The following ANKRD36C variants were observed in gnomAD, a reference collection of about 807,000 sequenced individuals.
ANKRD36C encodes the protein ankyrin repeat domain-containing protein 36C.
Under a neutral mutation model 276.4 loss-of-function variants are expected in ANKRD36C, and 61 were observed. That is an observed-to-expected ratio of 0.22 (90% CI 0.18 to 0.27). The LOEUF is 0.27. Ranked by LOEUF, ANKRD36C falls within the 10% of genes least tolerant of loss-of-function variation. The pLI is 1.00. For synonymous variants in ANKRD36C, 483 were observed against 680.1 expected, an observed-to-expected ratio of 0.71 and a Z score of 4.51; for missense variants, 1,447 against 2,032.3, an observed-to-expected ratio of 0.71 and a Z score of 5.54.
chr2:95,897,357 A>T lies in ANKRD36C; in HGVS notation c.2755+1788T>A, dbSNP rs759407381. 36 of 1,557,604 alleles carry T rather than the reference A, an allele frequency of 2.3e-5. No individual in the cohort carries two copies. The highest frequency in any genetic ancestry group is 1.3e-4 in the Admixed American group (7 of 54,290). On this transcript the variant is annotated intron_variant, in intron 44 of 66. Coordinates refer to ENST00000456556, the Ensembl canonical transcript of ANKRD36C. ...TCTCTTGTAGCCTGAATGGAATTTG[A>T]AATGAAATAATAAATTAATAAAGTA...
chr2:95,923,338 C>T lies in ANKRD36C; in HGVS notation c.2143+157G>A, dbSNP rs540110607. Among the ~76,000 whole-genome samples the T allele has an allele frequency of 3.2e-4, 49 of 151,752 alleles. 1 individual carries two copies. The highest frequency in any genetic ancestry group is 1.1e-3 in the African/African-American group (47 of 41,494). On this transcript the variant is annotated intron_variant, in intron 32 of 66. Transcript: ENST00000456556. ...CGAAGATCATGTCCAAGACCAGCAG[C>T]ATCAGCGTCACCCGAGAACTTATTA...
chr2:95,916,000 T>A (rs766259637), exon 38 of ANKRD36C: 7 of 1,555,640 alleles, frequency 4.5e-6, no homozygotes, highest in Admixed American at 1.9e-5. Context: ...TATTTCTCCA[T>A]CCTTTTTTTC....
At chr2:95,962,594 C>T in intron 6 of ANKRD36C, 47 bp from the exon 7 acceptor site, 1 of 1,574,650 alleles carries the variant, frequency 6.4e-7, no homozygotes, top group Non-Finnish European at 8.6e-7. Context: ...AAATATGATA[C>T]AATTATCCAT....
At chr2:95,984,913 A>G (rs1178827015) in intron 3 of ANKRD36C, among the ~76,000 whole-genome samples, 1 of 152,198 alleles carries the variant, frequency 6.6e-6, no homozygotes, top group East Asian at 1.9e-4. Flanking sequence ...CATGGTTTTC[A>G]GTGTTTAAAA....
intron 26 of ANKRD36C, among the ~76,000 whole-genome samples, chr2:95,928,342 T>C (rs1407562179): frequency 6.6e-6 from 1 of 151,626 alleles, no homozygotes; most frequent in Non-Finnish European, 1.5e-5. Flanking sequence ...TGTATTCATA[T>C]GCAAGTTCAT....
intron 42 of ANKRD36C, among the ~76,000 whole-genome samples, chr2:95,902,293 C>G (rs1466072477): frequency 6.7e-6 from 1 of 148,546 alleles, no homozygotes; most frequent in African/African-American, 2.5e-5. Flanking sequence ...CCAGTAGTTC[C>G]TGGAGCAGCC....
intron 13 of ANKRD36C, among the ~76,000 whole-genome samples, chr2:95,955,661 T>A (rs1678309808): frequency 1.3e-5 from 2 of 152,264 alleles, no homozygotes; most frequent in Admixed American, 1.3e-4. Flanking sequence ...CTAAAATCAC[T>A]CAATGACAGA....
chr2:95,954,754 C>T (rs1255965343), intron 13 of ANKRD36C, among the ~76,000 whole-genome samples: 1 of 152,164 alleles, frequency 6.6e-6, no homozygotes, highest in Non-Finnish European at 1.5e-5. Context: ...AGCTTAAGAA[C>T]CTTCATAGAC....
chr2:95,982,169 A>G, intron 4 of ANKRD36C, 87 bp downstream of exon 4: 1 of 978,712 alleles, frequency 1.0e-6, no homozygotes, highest in Non-Finnish European at 1.5e-6. Flanking sequence ...CTTCTTATTA[A>G]TGTAAAATTT....
chr2:95,884,353 T>C (rs2463572), exon 53 of ANKRD36C: 1 of 1,610,942 alleles, frequency 6.2e-7, no homozygotes, highest in Non-Finnish European at 8.5e-7. Context: ...CAAGGCTGGT[T>C]GTCTCTGAGA....
chr2:95,986,652 T>A, intron 3 of ANKRD36C, 99 bp downstream of exon 3: 1 of 1,155,840 alleles, frequency 8.7e-7, no homozygotes, highest in East Asian at 2.6e-5. Flanking sequence ...ATTCAAGGAA[T>A]GTTTGAGCTT....
chr2:95,850,695 A>G (rs1349856585), downstream of ANKRD36C, among the ~76,000 whole-genome samples: 1 of 152,278 alleles, frequency 6.6e-6, no homozygotes. Context: ...GGCAAAAGTA[A>G]ACCAATGACA....
At chr2:95,973,462 C>T (rs1678739346) in intron 6 of ANKRD36C, among the ~76,000 whole-genome samples, 1 of 152,082 alleles carries the variant, frequency 6.6e-6, no homozygotes, top group South Asian at 2.1e-4. Flanking sequence ...TTGCATCATT[C>T]AGGTCATTGT....
chr2:95,940,246 T>C (rs1413330906), intron 20 of ANKRD36C, among the ~76,000 whole-genome samples: 1,067 of 139,118 alleles, frequency 7.7e-3, no homozygotes, highest in African/African-American at 0.036. Flanking sequence ...ATGGTCTCCA[T>C]CTCCTGACCT....
chr2:95,887,718 T>C (rs1015888420), intron 50 of ANKRD36C, among the ~76,000 whole-genome samples: 3 of 151,638 alleles, frequency 2.0e-5, no homozygotes, highest in Non-Finnish European at 1.5e-5. Flanking sequence ...CCAATTTCGA[T>C]GTGGGGAAGT....
intron 16 of ANKRD36C, 39 bp from the exon 17 acceptor site, chr2:95,948,635 AT>A: frequency 7.1e-7 from 1 of 1,406,150 alleles, no homozygotes; most frequent in South Asian, 1.3e-5. Context: ...GAGCACGTTC[AT>A]TTCTTAAAAG....
chr2:95,937,813 C>G (rs371748223), intron 22 of ANKRD36C, among the ~76,000 whole-genome samples: 139 of 114,650 alleles, frequency 1.2e-3, no homozygotes, highest in South Asian at 4.0e-3. Context: ...CTATGGGTAT[C>G]TGAAATACTT....
chr2:95,989,287 T>C (rs1472287398), intron 1 of ANKRD36C, among the ~76,000 whole-genome samples: 1 of 152,218 alleles, frequency 6.6e-6, no homozygotes, highest in Non-Finnish European at 1.5e-5. Context: ...ATAAAACACA[T>C]TTACTAGAAG....
intron 49 of ANKRD36C, 42 bp from the exon 70 acceptor site, chr2:95,888,039 G>C: frequency 6.2e-7 from 1 of 1,607,578 alleles, no homozygotes; most frequent in Non-Finnish European, 8.5e-7. Context: ...CATAAACTAT[G>C]TTTCATAGAC....
Sources: allele counts gnomAD v4.1 joint callset (sites outside exome capture counted in the v4.1 genomes callset), GRCh38; gene constraint gnomAD v4.1.1; transcripts MANE v1.5; gene names NCBI Gene and HGNC (gene_info 2026-07-23, HGNC 2026-07-21).